INTU: variants seen among roughly 807,000 people sequenced by gnomAD.
The protein encoded by INTU is inturned planar cell polarity protein, also known as protein inturned.
A neutral mutation model predicts 100.5 loss-of-function variants in INTU; 68 were observed. The ratio of observed to expected loss-of-function variants is 0.68; its 90% confidence interval spans 0.56 to 0.83. INTU has a LOEUF of 0.83. Ranked by LOEUF, INTU falls within the 40% of genes least tolerant of loss-of-function variation. The probability of loss-of-function intolerance (pLI) is 0.00; values close to 1 mark genes in which losing one functional copy is unlikely to be tolerated. For synonymous variants in INTU, 357 were observed against 395.7 expected (o/e 0.90, Z 1.16); for missense variants, 1,071 against 1,114.7 (o/e 0.96, Z 0.56).
At chr4:127,674,047 A>G (rs775199992) in intron 5 of INTU, 77 bp from the exon 6 acceptor site, 7 of 900,020 alleles carry the variant, frequency 7.8e-6, no homozygotes, top group African/African-American at 1.7e-5. Context: ...ACCATATGCA[A>G]TCTTTTATGA....
intron 3 of INTU, among the ~76,000 whole-genome samples, chr4:127,658,413 T>C (rs1052011375): frequency 2.0e-5 from 3 of 152,156 alleles, no homozygotes; most frequent in Non-Finnish European, 4.4e-5. Context: ...TGTTACCCAC[T>C]TTAGTCACTA....
intron 1 of INTU, among the ~76,000 whole-genome samples, chr4:127,642,995 T>G (rs1015466608): frequency 2.6e-5 from 4 of 152,208 alleles, no homozygotes; most frequent in Non-Finnish European, 4.4e-5. Flanking sequence ...GTTTCTTTTT[T>G]GAAAACTTAT....
intron 2 of INTU, among the ~76,000 whole-genome samples, chr4:127,653,583 GAGAT>G (rs1287319030): frequency 1.3e-5 from 2 of 152,166 alleles, no homozygotes; most frequent in Non-Finnish European, 2.9e-5. Flanking sequence ...TGTGGTCTGA[GAGAT>G]AGTTTGTTAT....
intron 14 of INTU, among the ~76,000 whole-genome samples, chr4:127,713,302 A>G (rs1303960494): frequency 6.6e-6 from 1 of 152,172 alleles, no homozygotes; most frequent in Admixed American, 6.6e-5. Context: ...GGCAAACCAA[A>G]AAGATCTGTT....
chr4:127,692,216 C>T (rs879763665), intron 8 of INTU, among the ~76,000 whole-genome samples: 9 of 151,902 alleles, frequency 5.9e-5, no homozygotes, highest in Non-Finnish European at 1.2e-4. Context: ...TTCCCACCAA[C>T]AGTATAAAAG....
chr4:127,687,572 G>C, intron 7 of INTU, 106 bp from the exon 8 acceptor site: 1 of 785,418 alleles, frequency 1.3e-6, no homozygotes, highest in East Asian at 2.5e-5. Context: ...AGAGGAGTGA[G>C]GAAGATAGCC....
chr4:127,668,171 T>G (rs1169583803), intron 4 of INTU, among the ~76,000 whole-genome samples: 1 of 152,036 alleles, frequency 6.6e-6, no homozygotes, highest in Non-Finnish European at 1.5e-5. Flanking sequence ...AAATAAATGT[T>G]GCTTTAAGTA....
chr4:127,657,451 A>G (rs941968300), intron 3 of INTU, among the ~76,000 whole-genome samples: 2 of 152,090 alleles, frequency 1.3e-5, no homozygotes, highest in African/African-American at 4.8e-5. Context: ...GGGTTAGAGC[A>G]GGGGTCCCCA....
chr4:127,701,532 T>C (rs1709530928), intron 9 of INTU, among the ~76,000 whole-genome samples: 1 of 152,188 alleles, frequency 6.6e-6, no homozygotes, highest in African/African-American at 2.4e-5. Context: ...GATAATGGTA[T>C]GATTATATGT....
In INTU at chr4:127,719,536, G is replaced by A. The variant is rs1731314569; in HGVS notation, c.*3100G>A. Reference sequence around the variant, plus strand: ...AGGAGTCTCTCCTTTTCATTTGTTTGGAATAGTTTCAGAAGAAGTGGTATC... The same window carrying A: ...AGGAGTCTCTCCTTTTCATTTGTTTAGAATAGTTTCAGAAGAAGTGGTATC... On this transcript the variant is annotated 3_prime_UTR_variant, in exon 16 of 16. Coordinates refer to ENST00000335251, the MANE Select transcript of INTU (RefSeq NM_015693.4). The A allele has an allele frequency of 6.6e-6, 1 of 152,126 alleles. No homozygotes were observed. Among genetic ancestry groups the A allele is most frequent in the African/African-American group, 2.4e-5 (1 of 41,426 alleles). 9.4% of individuals were successfully genotyped at this position (152,126 alleles called of 1,614,324 possible).
At chr4:127,637,412 C>A (rs1032869836) in intron 1 of INTU, among the ~76,000 whole-genome samples, 1 of 152,186 alleles carries the variant, frequency 6.6e-6, no homozygotes, top group Non-Finnish European at 1.5e-5. Context: ...ATTGATCTCC[C>A]TGTTCATTAT....
intron 5 of INTU, among the ~76,000 whole-genome samples, chr4:127,670,254 C>G (rs1258839997): frequency 6.6e-6 from 1 of 151,718 alleles, no homozygotes; most frequent in Non-Finnish European, 1.5e-5. Context: ...TTTCAACAGC[C>G]TCCGTAATAC....
chr4:127,656,937 C>A (rs188287935), intron 3 of INTU, among the ~76,000 whole-genome samples: 1 of 152,156 alleles, frequency 6.6e-6, no homozygotes, highest in East Asian at 1.9e-4. Context: ...AAGTAAAATT[C>A]TACATAAAGC....
intron 2 of INTU, among the ~76,000 whole-genome samples, chr4:127,649,941 G>C (rs1727762296): frequency 6.6e-6 from 1 of 152,112 alleles, no homozygotes; most frequent in Admixed American, 6.6e-5. Context: ...TATTTTGATA[G>C]TATCTTTAAT....
chr4:127,702,442 CTT>C (rs1216363005), intron 9 of INTU, among the ~76,000 whole-genome samples: 1 of 152,118 alleles, frequency 6.6e-6, no homozygotes, highest in Non-Finnish European at 1.5e-5. Flanking sequence ...ACTCAAATAA[CTT>C]AACTGTCCAT....
chr4:127,644,531 AGTG>A (rs1727484388), intron 2 of INTU, among the ~76,000 whole-genome samples: 1 of 152,218 alleles, frequency 6.6e-6, no homozygotes, highest in African/African-American at 2.4e-5. Flanking sequence ...ATTTTGCAAC[AGTG>A]GTGTTATATA....
In INTU at chr4:127,677,443, G is replaced by A. The variant is rs539096771; in HGVS notation, c.1181+3230G>A. 9.7e-4 allele frequency among the ~76,000 whole-genome samples: 147 copies of A among 150,860 alleles called. 12 individuals carry two copies. Among genetic ancestry groups the A allele is most frequent in the African/African-American group, 3.3e-3 (134 of 40,182 alleles). On this transcript the variant is annotated intron_variant, in intron 6 of 15. Transcript: ENST00000335251. ...TCAGACAGCAGCATTCGCGGTTCAC[G>A]AAAATCTGCTGTTCTGCAGCCACCG...
intron 8 of INTU, among the ~76,000 whole-genome samples, chr4:127,695,967 G>A (rs1301052986): frequency 3.3e-5 from 5 of 152,064 alleles, no homozygotes; most frequent in African/African-American, 1.2e-4. Context: ...TTTTTTTAAA[G>A]CCCATTGATC....
rs187650977 is a variant in INTU, at chr4:127,694,227, A to G, written c.1450-5783A>G. Among the ~76,000 whole-genome samples the G allele has an allele frequency of 1.6e-3, 248 of 151,780 alleles. 1 individual carries two copies. Among genetic ancestry groups the G allele is most frequent in the Non-Finnish European group, 2.9e-3 (198 of 67,896 alleles). ...GACTTTTTTTGTTGGCAGTTTTTCC[A>G]TAACCATTTCAATCTCGCTACTTGT... On this transcript the variant is annotated intron_variant, in intron 8 of 15. Coordinates refer to ENST00000335251, the MANE Select transcript of INTU (RefSeq NM_015693.4).
Sources: gnomAD v4.1 joint callset for allele counts (sites outside exome capture counted in the v4.1 genomes callset) on GRCh38, gnomAD v4.1.1 for gene constraint, MANE v1.5 for transcripts, NCBI Gene and HGNC (gene_info 2026-07-23, HGNC 2026-07-21) for gene names.